Variants in KIFC3 observed in about 807,000 individuals in gnomAD.
KIFC3 encodes the protein kinesin-like protein KIFC3.
In KIFC3, 60 loss-of-function variants were observed where a neutral mutation model predicts 101.8. That is an observed-to-expected ratio of 0.59 (90% CI 0.48 to 0.73). The LOEUF is 0.73. Among genes scored for constraint, KIFC3 ranks in the 30% least tolerant of loss-of-function variants. KIFC3 has a pLI of 0.00. For missense variants in KIFC3, 966 were observed against 1,137.1 expected, an observed-to-expected ratio of 0.85 and a Z score of 2.16; for synonymous variants, 476 against 482.7, an observed-to-expected ratio of 0.99 and a Z score of 0.18.
chr16:57,856,460 A>G (rs1309085951), intron 1 of KIFC3, among the ~76,000 whole-genome samples: 3 of 148,500 alleles, frequency 2.0e-5, no homozygotes, highest in African/African-American at 7.4e-5. Flanking sequence ...GTGTCTAAAA[A>G]AAGAAAGGAA....
rs2049404099 is a variant in KIFC3, at chr16:57,758,541, C to A, written c.*393G>T. The stretch of plus-strand genomic sequence containing the variant: ...TGCCCAGAGGCTCCTCGCCCACCCC[C>A]TAAGGAGGGGGCTGGCCAGCTCTGC... On this transcript the variant is annotated 3_prime_UTR_variant, in exon 20 of 20. Coordinates refer to ENST00000445690, the MANE Select transcript of KIFC3 (RefSeq NM_001130100.2). 1 of 599,356 alleles carries A rather than the reference C, an allele frequency of 1.7e-6. No homozygotes were observed. Among genetic ancestry groups the A allele is most frequent in the East Asian group, 3.5e-5 (1 of 28,714 alleles). 37.1% of individuals were successfully genotyped at this position (599,356 alleles called of 1,614,324 possible). A position where few individuals can be genotyped will look rare whatever the true frequency, so the allele number is the denominator to read the frequency against.
intron 1 of KIFC3, among the ~76,000 whole-genome samples, chr16:57,844,826 C>T (rs552486173): frequency 6.6e-6 from 1 of 152,272 alleles, no homozygotes; most frequent in Non-Finnish European, 1.5e-5. Flanking sequence ...TCACCAATTC[C>T]TAGACAGACC....
At chr16:57,836,699 C>T (rs2055694844) in intron 1 of KIFC3, among the ~76,000 whole-genome samples, 1 of 151,982 alleles carries the variant, frequency 6.6e-6, no homozygotes. Context: ...TATTTTTGTT[C>T]TTATTTTTTT....
At chr16:57,854,644 A>G (rs1454205944) in intron 1 of KIFC3, among the ~76,000 whole-genome samples, 1 of 129,772 alleles carries the variant, frequency 7.7e-6, no homozygotes, top group Non-Finnish European at 1.7e-5. Context: ...AAAAAAAAAA[A>G]GAAAGAAAGA....
intron 4 of KIFC3, 75 bp from the exon 5 acceptor site, chr16:57,771,761 A>T: frequency 5.9e-6 from 9 of 1,517,714 alleles, no homozygotes; most frequent in Non-Finnish European, 8.0e-6. Flanking sequence ...GCCCGCGGAG[A>T]TGGCACAAGG....
chr16:57,759,858 T>C (rs2049615130), intron 17 of KIFC3, 22 bp from the exon 18 acceptor site: 1 of 1,581,110 alleles, frequency 6.3e-7, no homozygotes. Context: ...GAAGGGCGGA[T>C]GGGCGGGGGC....
At chr16:57,782,088 C>T (rs757565399) in intron 3 of KIFC3, 15 of 985,372 alleles carry the variant, frequency 1.5e-5, no homozygotes, top group Non-Finnish European at 1.8e-5. Flanking sequence ...AAGTCCAAGT[C>T]TGAGTCAAAC....
intron 3 of KIFC3, among the ~76,000 whole-genome samples, chr16:57,791,561 G>C (rs1485139390): frequency 6.6e-6 from 1 of 152,142 alleles, no homozygotes; most frequent in Non-Finnish European, 1.5e-5. Context: ...CCACATCTTC[G>C]ACCCTGAAGC....
chr16:57,830,236 C>CTTTTTTTTTTTTTT (rs34842791), intron 1 of KIFC3, among the ~76,000 whole-genome samples: 3 of 119,312 alleles, frequency 2.5e-5, no homozygotes, highest in Non-Finnish European at 5.3e-5. Flanking sequence ...TTTTTTCTTT[C>CTTTTTTTTTTTTTT]TTTTTTTTTT....
chr16:57,763,061 C>T (rs568822128), intron 12 of KIFC3, among the ~76,000 whole-genome samples: 1 of 152,240 alleles, frequency 6.6e-6, no homozygotes, highest in East Asian at 1.9e-4. Context: ...GTTCCGCATT[C>T]CTGGCTTTAT....
Position 57,760,287 on chromosome 16 carries a change from G to A in KIFC3, c.2362C>T (p.Leu788=). Residue 788 remains leucine, a synonymous_variant, in exon 17 of 20, where the codon CTA becomes TTA. Coordinates refer to ENST00000445690, the MANE Select transcript of KIFC3 (RefSeq NM_001130100.2). The part of the protein sequence containing the change: ...ELGSWSSQEH[L]EWEPACQTPQ... ...GCCTGTGACAGTCCCCGTACCTCTA[G>A]ATGCTCCTGGCTTGACCAGGACCCA... 3 of 1,612,366 alleles carry A rather than the reference G, an allele frequency of 1.9e-6. No individual in the cohort carries two copies. Among genetic ancestry groups the A allele is most frequent in the Non-Finnish European group, 2.5e-6 (3 of 1,178,928 alleles).
chr16:57,775,290 G>C (rs1045376245), intron 3 of KIFC3: 3 of 1,240,878 alleles, frequency 2.4e-6, no homozygotes, highest in Non-Finnish European at 3.0e-6. Flanking sequence ...TCAGACACTA[G>C]GTCATCTCTG....
chr16:57,815,745 G>A (rs1253901044), intron 1 of KIFC3: 3 of 1,027,474 alleles, frequency 2.9e-6, no homozygotes, highest in South Asian at 1.4e-5. Flanking sequence ...GCCATGGCTT[G>A]TCCCACGGCC....
chr16:57,798,178 C>T lies in KIFC3; in HGVS notation c.66G>A (p.Val22=), dbSNP rs782798837. 2.5e-5 allele frequency: 38 copies of T among 1,540,192 alleles called. No homozygotes were observed. Among genetic ancestry groups the T allele is most frequent in the Non-Finnish European group, 3.1e-5 (36 of 1,143,186 alleles). ...ATPSLRGLWR[V]GRAPEPEPGM... is the part of the protein sequence containing the mutation. ...CCGGCTCGGGCTCCGGGGCCCGGCCCACTCTCCACAGGCCCCGCAGCGAGG... is the reference window on the plus strand; with the variant it reads ...CCGGCTCGGGCTCCGGGGCCCGGCCTACTCTCCACAGGCCCCGCAGCGAGG... The change falls in exon 2 of 20, where the codon GTG becomes GTA. Residue 22 remains valine (V), a synonymous_variant. Coordinates refer to ENST00000445690, the MANE Select transcript of KIFC3 (RefSeq NM_001130100.2).
At chr16:57,783,183 A>T (rs185510848) in intron 3 of KIFC3, among the ~76,000 whole-genome samples, 2 of 152,232 alleles carry the variant, frequency 1.3e-5, no homozygotes, top group African/African-American at 2.4e-5. Context: ...AAACCTCTTT[A>T]AAGTCACAAA....
chr16:57,839,485 A>G (rs2055760600), intron 1 of KIFC3, among the ~76,000 whole-genome samples: 1 of 152,148 alleles, frequency 6.6e-6, no homozygotes, highest in Non-Finnish European at 1.5e-5. Flanking sequence ...GGCTACGGTG[A>G]GCCATGATCA....
chr16:57,851,180 T>A (rs1461782583), intron 1 of KIFC3, among the ~76,000 whole-genome samples: 1 of 151,960 alleles, frequency 6.6e-6, no homozygotes, highest in Non-Finnish European at 1.5e-5. Context: ...CCGGCTAATG[T>A]TTTTTTAATG....
At position 57,765,464 on chromosome 16, in the gene KIFC3, G is replaced by A; in HGVS notation, c.1507C>T (p.Gln503Ter). ...DKVFSPQASQQDVFQEVQALV... is the reference protein window; with the variant it reads ...DKVFSPQASQ ...CCGCATGGGGCCACACTCACGTCCTGCTGCGAGGCCTGTGGGGAGAAGACC... is the reference window on the plus strand; with the variant it reads ...CCGCATGGGGCCACACTCACGTCCTACTGCGAGGCCTGTGGGGAGAAGACC... The change falls in exon 11 of 20, where the codon CAG becomes TAG. Residue 503 changes from glutamine to a stop codon, truncating the protein, a stop_gained. Coordinates refer to ENST00000445690, the MANE Select transcript of KIFC3 (RefSeq NM_001130100.2). LOFTEE classifies it high-confidence loss of function. 1 of 1,578,072 alleles carries A rather than the reference G, an allele frequency of 6.3e-7. No individual in the cohort carries two copies.
intron 1 of KIFC3, among the ~76,000 whole-genome samples, chr16:57,834,141 G>A (rs1286145809): frequency 1.3e-5 from 2 of 152,040 alleles, no homozygotes; most frequent in African/African-American, 2.4e-5. Flanking sequence ...GATTACAGGC[G>A]TGAGCCACCG....
Sources: allele counts gnomAD v4.1 joint callset (sites outside exome capture counted in the v4.1 genomes callset), GRCh38; gene constraint gnomAD v4.1.1; transcripts MANE v1.5; gene names NCBI Gene and HGNC (gene_info 2026-07-23, HGNC 2026-07-21).